Variants in ENTREP1 observed in about 807,000 individuals in gnomAD.
ENTREP1 encodes the protein endosomal transmembrane epsin interactor 1.
the ENTREP1 span, among the ~76,000 whole-genome samples, chr9:69,346,582 T>C: frequency 1.3e-5 from 2 of 152,240 alleles, no homozygotes; most frequent in East Asian, 3.8e-4. Flanking sequence ...GATATTTTAC[T>C]TTTATGTTGT....
the ENTREP1 span, chr9:69,377,557 TC>T: frequency 1.2e-6 from 2 of 1,612,356 alleles, no homozygotes; most frequent in Non-Finnish European, 1.7e-6. Flanking sequence ...ACTGCCTCTC[TC>T]CCCGTGCCTT....
the ENTREP1 span, among the ~76,000 whole-genome samples, chr9:69,340,682 CATGTGTGTGTGTAT>C: frequency 6.2e-5 from 1 of 16,260 alleles, no homozygotes; most frequent in African/African-American, 1.9e-4. Context: ...TGTGTGCATG[CATGTGTGTGTGTAT>C]GTGTGTGTGT....
the ENTREP1 span, among the ~76,000 whole-genome samples, chr9:69,358,349 A>G: frequency 6.6e-6 from 1 of 152,226 alleles, no homozygotes; most frequent in Non-Finnish European, 1.5e-5. Flanking sequence ...TAGTAAGAAT[A>G]TATGATACCT....
the ENTREP1 span, among the ~76,000 whole-genome samples, chr9:69,352,572 T>C: frequency 3.3e-5 from 5 of 152,230 alleles, no homozygotes; most frequent in African/African-American, 1.2e-4. Flanking sequence ...GTTATTAGTA[T>C]CCTCATTCTG....
At chr9:69,340,810 T>TGC in the ENTREP1 span, among the ~76,000 whole-genome samples, 19 of 55,370 alleles carry the variant, frequency 3.4e-4, no homozygotes, top group African/African-American at 1.0e-3. Context: ...CATGTGTGTG[T>TGC]GTATGTGTGT....
the ENTREP1 span, chr9:69,385,821 G>A: frequency 5.9e-6 from 9 of 1,515,780 alleles, no homozygotes; most frequent in African/African-American, 4.6e-5. Context: ...CATACCTGCC[G>A]AAGAAAATGC....
chr9:69,374,307 A>G, the ENTREP1 span, among the ~76,000 whole-genome samples: 3 of 152,050 alleles, frequency 2.0e-5, no homozygotes, highest in African/African-American at 7.2e-5. Flanking sequence ...GGTATTATGA[A>G]CAAAGCTGCT....
the ENTREP1 span, among the ~76,000 whole-genome samples, chr9:69,338,606 T>C: frequency 6.6e-6 from 1 of 152,222 alleles, no homozygotes; most frequent in Non-Finnish European, 1.5e-5. Flanking sequence ...TACATTCTTA[T>C]CCATTTATTT....
chr9:69,347,972 C>T, the ENTREP1 span, among the ~76,000 whole-genome samples: 1 of 152,158 alleles, frequency 6.6e-6, no homozygotes, highest in Non-Finnish European at 1.5e-5. Flanking sequence ...TGGTATCATG[C>T]CACATTCTAG....
At chr9:69,351,706 G>A in the ENTREP1 span, among the ~76,000 whole-genome samples, 34 of 152,248 alleles carry the variant, frequency 2.2e-4, no homozygotes, top group African/African-American at 6.7e-4. Flanking sequence ...ATGAGCCACC[G>A]CACCCAGCCT....
At chr9:69,367,455 A>G in the ENTREP1 span, among the ~76,000 whole-genome samples, 1 of 151,102 alleles carries the variant, frequency 6.6e-6, no homozygotes, top group East Asian at 1.9e-4. Flanking sequence ...GAATATGCTC[A>G]TTTTGATAAT....
At chr9:69,370,563 T>C in the ENTREP1 span, among the ~76,000 whole-genome samples, 1 of 152,150 alleles carries the variant, frequency 6.6e-6, no homozygotes, top group Non-Finnish European at 1.5e-5. Context: ...GCCAAACTTC[T>C]CTTGGAGAGA....
chr9:69,340,625 A>ATGCG, the ENTREP1 span, among the ~76,000 whole-genome samples: 1 of 63,792 alleles, frequency 1.6e-5, no homozygotes, highest in South Asian at 6.4e-4. Context: ...GTGTGTGTGC[A>ATGCG]TGTGTGTGTG....
chr9:69,388,285 C>T, the ENTREP1 span: 2 of 1,614,184 alleles, frequency 1.2e-6, no homozygotes, highest in Non-Finnish European at 1.7e-6. Flanking sequence ...TGATAGATTA[C>T]AAATCCTACA....
the ENTREP1 span, chr9:69,388,083 T>C: frequency 9.3e-6 from 15 of 1,612,152 alleles, no homozygotes; most frequent in African/African-American, 1.3e-5. Context: ...AGTTTTGTGG[T>C]CTGTGCTTTC....
At chr9:69,345,589 T>G in the ENTREP1 span, among the ~76,000 whole-genome samples, 1 of 152,210 alleles carries the variant, frequency 6.6e-6, no homozygotes, top group South Asian at 2.1e-4. Flanking sequence ...CTCATTAGCC[T>G]TCTTACTCTT....
chr9:69,383,588 G>A, the ENTREP1 span: 1 of 1,612,254 alleles, frequency 6.2e-7, no homozygotes, highest in Non-Finnish European at 8.5e-7. Flanking sequence ...CACGTGGCCA[G>A]TCTGTAGAAC....
the ENTREP1 span, among the ~76,000 whole-genome samples, chr9:69,367,704 A>AAATAT: frequency 1.9e-5 from 2 of 105,062 alleles, 1 homozygote; most frequent in Non-Finnish European, 3.8e-5. Flanking sequence ...CATATATATA[A>AAATAT]ATATATATAT....
chr9:69,372,972 T>C, the ENTREP1 span, among the ~76,000 whole-genome samples: 1 of 152,176 alleles, frequency 6.6e-6, no homozygotes, highest in Non-Finnish European at 1.5e-5. Context: ...GCTATTTGTA[T>C]GTCTTCATTA....
Sources: gnomAD v4.1 joint callset for allele counts (sites outside exome capture counted in the v4.1 genomes callset) on GRCh38, gnomAD v4.1.1 for gene constraint, MANE v1.5 for transcripts, NCBI Gene and HGNC (gene_info 2026-07-23, HGNC 2026-07-21) for gene names.